UTF1: variants seen among roughly 807,000 people sequenced by gnomAD.
The protein encoded by UTF1 is undifferentiated embryonic cell transcription factor 1.
In UTF1, 8 loss-of-function variants were observed where a neutral mutation model predicts 11.8. The ratio of observed to expected loss-of-function variants is 0.68; its 90% confidence interval spans 0.40 to 1.23. The LOEUF (loss-of-function observed/expected upper bound fraction) is 1.23, where lower values mean the gene tolerates loss of function less well. Ranked by LOEUF, UTF1 falls within the 50% of genes most tolerant of loss-of-function variation. The pLI, the probability that UTF1 is intolerant of heterozygous loss-of-function variation, is 0.01. For missense variants in UTF1, 545 were observed against 542.1 expected, an observed-to-expected ratio of 1.01 and a Z score of -0.05; for synonymous variants, 344 against 271.7, an observed-to-expected ratio of 1.27 and a Z score of -2.62.
In UTF1 at chr10:133,231,212, G is replaced by A. The variant is rs745764921; in HGVS notation, c.796G>A (p.Ala266Thr). 1.6e-5 allele frequency: 25 copies of A among 1,516,992 alleles called. No homozygotes were observed. Among genetic ancestry groups the A allele is most frequent in the Non-Finnish European group, 1.8e-6 (2 of 1,139,140 alleles). The allele number at this position is 1,516,992 out of a possible 1,614,324, so 94.0% of individuals were successfully genotyped here. Residue 266 changes from alanine to threonine, a missense_variant, in exon 2 of 2, where the codon GCG becomes ACG. Physicochemically the swap from Ala to Thr is moderately conservative, Grantham distance 58 (BLOSUM62 0). Coordinates refer to ENST00000304477, the MANE Select transcript of UTF1 (RefSeq NM_003577.3). ...DSPPGRPEDC[A>T]PPPAAPPSLN... ...GCCGCCCGGCCGCCCCGAGGACTGC[G>A]CGCCCCCTCCGGCCGCGCCCCCGTC...
At position 133,230,310 on chromosome 10, in the gene UTF1, C is replaced by A; in HGVS notation, c.22C>A (p.Pro8Thr). 9.2e-7 allele frequency: 1 copy of A among 1,081,162 alleles called. No homozygotes were observed. Among genetic ancestry groups the A allele is most frequent in the Non-Finnish European group, 1.1e-6 (1 of 894,096 alleles). The allele number at this position is 1,081,162 out of a possible 1,614,324, so 67.0% of individuals were successfully genotyped here. The change falls in exon 1 of 2, where the codon CCG becomes ACG. Residue 8 changes from proline (P) to threonine (T), a missense_variant. Around this residue, in one of 3 missense-constraint regions of UTF1, gnomAD observed 129 missense variants for 148.5 expected, o/e 0.87. Transcript: ENST00000304477. ...CGGGATGCTGCTCCGGCCCCGCAGG[C>A]CGCCCCCGCTCGCGCCCCCCGCGCC... MLLRPRR[P>T]PPLAPPAPPS...
At position 133,230,693 on chromosome 10, in the gene UTF1, C is replaced by A; in HGVS notation, c.405C>A (p.Pro135=). 6.7e-7 allele frequency: 1 copy of A among 1,485,426 alleles called. No homozygotes were observed. Among genetic ancestry groups the A allele is most frequent in the African/African-American group, 1.4e-5 (1 of 69,356 alleles). 92.0% of individuals were successfully genotyped at this position (1,485,426 alleles called of 1,614,324 possible). ...AGGCGCACGGCCAGCCGCCCGGGCC[C>A]TTCGACGAGCAGATCCGGAAGCTCA... is the stretch of plus-strand genomic sequence containing the variant. ...FREAHGQPPG[P]FDEQIRKLMG... Residue 135 remains proline, a synonymous_variant, in exon 1 of 2, where the codon CCC becomes CCA. Transcript: ENST00000304477.
Position 133,231,247 on chromosome 10 carries a change from C to T in UTF1, c.831C>T (p.Thr277=). 5 of 1,562,642 alleles carry T rather than the reference C, an allele frequency of 3.2e-6. No homozygotes were observed. In the South Asian group the frequency reaches 3.5e-5, roughly 11 times the overall value. The change falls in exon 2 of 2, where the codon ACC becomes ACT. Residue 277 remains threonine (T), a synonymous_variant. Transcript: ENST00000304477. ...CGGCCGCGCCCCCGTCGCTGAACACCGCCCTGCTGCAGACCCTGGGGCACC... is the reference window on the plus strand; with the variant it reads ...CGGCCGCGCCCCCGTCGCTGAACACTGCCCTGCTGCAGACCCTGGGGCACC... ...PPPAAPPSLN[T]ALLQTLGHLG...
rs1406329970 is a variant in UTF1 at position 133,230,631 on chromosome 10, C to T, written c.343C>T (p.Arg115Cys). ...GGTGCGCCGCACCCCCGCGCAGTGC[C>T]GCCGCCGCTACAAGTTCCTTAAAGA... is the stretch of plus-strand genomic sequence containing the variant. ...QQVRRTPAQC[R>C]RRYKFLKDKF... Residue 115 changes from arginine to cysteine, a missense_variant, in exon 1 of 2, where the codon CGC becomes TGC. Arg to Cys is a radical substitution (Grantham distance 180). Around this residue, in one of 3 missense-constraint regions of UTF1, gnomAD observed 22 missense variants for 52.1 expected, o/e 0.42. Transcript: ENST00000304477. 1 of 1,460,230 alleles carries T rather than the reference C, an allele frequency of 6.8e-7. No individual in the cohort carries two copies. Among genetic ancestry groups the T allele is most frequent in the South Asian group, 1.3e-5 (1 of 75,890 alleles). 90.5% of individuals were successfully genotyped at this position (1,460,230 alleles called of 1,614,324 possible).
chr10:133,230,575 G>T lies in UTF1; in HGVS notation c.287G>T (p.Arg96Leu). Residue 96 changes from arginine to leucine, a missense_variant, in exon 1 of 2, where the codon CGC becomes CTC. Physicochemically the swap from Arg to Leu is moderately radical, Grantham distance 102. Coordinates refer to ENST00000304477, the MANE Select transcript of UTF1 (RefSeq NM_003577.3). Reference sequence around the variant, plus strand: ...CGCCGCCAGGCCCTGCCCACCTACCGCCGCGTGTCGGCCGCGCTGGCCCAG... The same window carrying T: ...CGCCGCCAGGCCCTGCCCACCTACCTCCGCGTGTCGGCCGCGCTGGCCCAG... ...LDRRQALPTY[R>L]RVSAALAQQQ... 1 of 1,407,046 alleles carries T rather than the reference G, an allele frequency of 7.1e-7. No individual in the cohort carries two copies. Among genetic ancestry groups the T allele is most frequent in the Non-Finnish European group, 9.2e-7 (1 of 1,085,492 alleles). 87.2% of individuals were successfully genotyped at this position (1,407,046 alleles called of 1,614,324 possible).
chr10:133,231,161 C>A lies in UTF1; in HGVS notation c.745C>A (p.Pro249Thr), dbSNP rs1382626427. 2.8e-5 allele frequency: 36 copies of A among 1,283,060 alleles called. No homozygotes were observed. Among genetic ancestry groups the A allele is most frequent in the Admixed American group, 4.2e-5 (1 of 24,086 alleles). The allele number at this position is 1,283,060 out of a possible 1,614,324, so 79.5% of individuals were successfully genotyped here. The change falls in exon 2 of 2, where the codon CCC becomes ACC. Residue 249 changes from proline to threonine, a missense_variant. By Grantham distance (38) the Pro-to-Thr change is conservative. This residue lies in a region of UTF1 where 394 missense variants were observed against 341.5 expected (regional missense o/e 1.15). Coordinates refer to ENST00000304477, the MANE Select transcript of UTF1 (RefSeq NM_003577.3). ...CCGCGGCCCCGGGTCCCCGCCGCCACCCCCGGCCCGCGAAGACCCCGACTC... is the reference window on the plus strand; with the variant it reads ...CCGCGGCCCCGGGTCCCCGCCGCCAACCCCGGCCCGCGAAGACCCCGACTC... ...PVRGPGSPPP[P>T]PAREDPDSPP...
chr10:133,231,499 TC>T lies in UTF1; in HGVS notation c.*59del. 2 of 1,283,690 alleles carry T rather than the reference TC, an allele frequency of 1.6e-6. No individual in the cohort carries two copies. The highest frequency in any genetic ancestry group is 5.8e-5 in the East Asian group (2 of 34,258). 79.5% of individuals were successfully genotyped at this position (1,283,690 alleles called of 1,614,324 possible). A position where few individuals can be genotyped will look rare whatever the true frequency, so the allele number is the denominator to read the frequency against. On this transcript the variant is annotated 3_prime_UTR_variant, in exon 2 of 2. Coordinates refer to ENST00000304477, the MANE Select transcript of UTF1 (RefSeq NM_003577.3). ...GCCGAGGCCCCTCCGCCCTGACCCCTCCTGCTGCCTTCCCACCCCCGTTCTT... is the reference window on the plus strand; with the variant it reads ...GCCGAGGCCCCTCCGCCCTGACCCCTCTGCTGCCTTCCCACCCCCGTTCTT...
At position 133,231,242 on chromosome 10, in the gene UTF1, A is replaced by C. The variant is rs1845795879; in HGVS notation, c.826A>C (p.Asn276His). 4 of 1,554,344 alleles carry C rather than the reference A, an allele frequency of 2.6e-6. No individual in the cohort carries two copies. ...CCCTCCGGCCGCGCCCCCGTCGCTG[A>C]ACACCGCCCTGCTGCAGACCCTGGG... is the stretch of plus-strand genomic sequence containing the variant. ...APPPAAPPSLNTALLQTLGHL... is the reference protein window; with the variant it reads ...APPPAAPPSLHTALLQTLGHL... Residue 276 changes from asparagine to histidine, a missense_variant, in exon 2 of 2, where the codon AAC becomes CAC. Transcript: ENST00000304477.
rs1300843148 is a variant in UTF1, at chr10:133,230,252, C to T, written c.-37C>T. The stretch of plus-strand genomic sequence containing the variant: ...TGGGCGGCCCGGGCGGCGTCTGGCC[C>T]TCTCCCCATCCTCGCGCGCCGCGCC... On this transcript the variant is annotated 5_prime_UTR_variant, in exon 1 of 2. Transcript: ENST00000304477. 1.9e-6 allele frequency: 2 copies of T among 1,039,706 alleles called. No homozygotes were observed. The highest frequency in any genetic ancestry group is 2.3e-6 in the Non-Finnish European group (2 of 867,276). 64.4% of individuals were successfully genotyped at this position (1,039,706 alleles called of 1,614,324 possible).
rs1280696936 is a variant in UTF1, at chr10:133,230,771, G to T, written c.483G>T (p.Gly161=). The change falls in exon 1 of 2, where the codon GGG becomes GGT. Residue 161 remains glycine (G), a synonymous_variant. Coordinates refer to ENST00000304477, the MANE Select transcript of UTF1 (RefSeq NM_003577.3). The stretch of plus-strand genomic sequence containing the variant: ...AACGGCCTCGCCGCCGCTCCCCGGG[G>T]TCCGGGCGCCCCCAGCGCGCCCGCC... The part of the protein sequence containing the change: ...GRKRPRRRSP[G]SGRPQRARRP... 2.2e-6 allele frequency: 3 copies of T among 1,363,772 alleles called. No individual in the cohort carries two copies. The African/African-American group carries it at 4.6e-5, about 21-fold the overall frequency. 84.5% of individuals were successfully genotyped at this position (1,363,772 alleles called of 1,614,324 possible). A position where few individuals can be genotyped will look rare whatever the true frequency, so the allele number is the denominator to read the frequency against.
Position 133,230,411 on chromosome 10 carries a change from CT to C in UTF1, c.124del (p.Ser42ArgfsTer234). ...CGGGGACCCCGCCCCGGAGGCCCGC[CT>C]CGCCCAGCGCGCTGGGGGAACTCGG... ...APGTPPRRPASPSALGELGLP... is the reference protein window; with the variant it reads ...APGTPPRRPAXPSALGELGLP... On this transcript the variant is annotated frameshift_variant, in exon 1 of 2. Transcript: ENST00000304477. LOFTEE classifies it high-confidence loss of function. The C allele has an allele frequency of 7.4e-7, 1 of 1,342,368 alleles. No homozygotes were observed. Among genetic ancestry groups the C allele is most frequent in the Non-Finnish European group, 9.6e-7 (1 of 1,042,780 alleles). 83.2% of individuals were successfully genotyped at this position (1,342,368 alleles called of 1,614,324 possible).
At position 133,230,791 on chromosome 10, in the gene UTF1, C is replaced by G. The variant is rs1845788326; in HGVS notation, c.503C>G (p.Ala168Gly). 7.5e-7 allele frequency: 1 copy of G among 1,331,870 alleles called. No homozygotes were observed. The highest frequency in any genetic ancestry group is 3.2e-5 in the East Asian group (1 of 31,454). The allele number at this position is 1,331,870 out of a possible 1,614,324, so 82.5% of individuals were successfully genotyped here. Residue 168 changes from alanine (A) to glycine (G), a missense_variant, in exon 1 of 2, where the codon GCC (alanine) becomes GGC (glycine). By Grantham distance (60) the Ala-to-Gly change is moderately conservative (BLOSUM62 0). Coordinates refer to ENST00000304477, the MANE Select transcript of UTF1 (RefSeq NM_003577.3). ...CCGGGGTCCGGGCGCCCCCAGCGCGCCCGCCGCCCGGTCCCCAACGCGCAC... is the reference window on the plus strand; with the variant it reads ...CCGGGGTCCGGGCGCCCCCAGCGCGGCCGCCGCCCGGTCCCCAACGCGCAC... ...RSPGSGRPQR[A>G]RRPVPNAHAP...
chr10:133,231,435 G>A lies in UTF1; in HGVS notation c.1019G>A (p.Cys340Tyr). Residue 340 changes from cysteine (C) to tyrosine (Y), a missense_variant, in exon 2 of 2, where the codon TGC becomes TAC. Physicochemically the swap from Cys to Tyr is radical, Grantham distance 194. Transcript: ENST00000304477. Reference sequence around the variant, plus strand: ...GAGCGAGGGGTCCTCAGGGACCCGTGCCAGTGAGTCCCGGCTGCGGCCAGT... The same window carrying A: ...GAGCGAGGGGTCCTCAGGGACCCGTACCAGTGAGTCCCGGCTGCGGCCAGT... ...AAERGVLRDPCQ is the reference protein window; with the variant it reads ...AAERGVLRDPYQ 4 of 1,493,182 alleles carry A rather than the reference G, an allele frequency of 2.7e-6. No homozygotes were observed. The highest frequency in any genetic ancestry group is 3.6e-6 in the Non-Finnish European group (4 of 1,124,742). 92.5% of individuals were successfully genotyped at this position (1,493,182 alleles called of 1,614,324 possible).
In UTF1 at chr10:133,230,734, A is replaced by C. The variant is rs765939815; in HGVS notation, c.446A>C (p.Asp149Ala). The change falls in exon 1 of 2, where the codon GAC becomes GCC. Residue 149 changes from aspartate to alanine, a missense_variant. By Grantham distance (126) the Asp-to-Ala change is moderately radical. Around this residue, in one of 3 missense-constraint regions of UTF1, gnomAD observed 394 missense variants for 341.5 expected, o/e 1.15. Transcript: ENST00000304477. ...CGGAAGCTCATGGGGCTGCTGGGCGACAACGGGCGCAAACGGCCTCGCCGC... is the reference window on the plus strand; with the variant it reads ...CGGAAGCTCATGGGGCTGCTGGGCGCCAACGGGCGCAAACGGCCTCGCCGC... ...QIRKLMGLLG[D>A]NGRKRPRRRS... 7.0e-7 allele frequency: 1 copy of C among 1,433,688 alleles called. No individual in the cohort carries two copies. The highest frequency in any genetic ancestry group is 9.1e-7 in the Non-Finnish European group (1 of 1,095,776). The allele number at this position is 1,433,688 out of a possible 1,614,324, so 88.8% of individuals were successfully genotyped here. A position where few individuals can be genotyped will look rare whatever the true frequency, so the allele number is the denominator to read the frequency against.
chr10:133,230,723 G>T lies in UTF1; in HGVS notation c.435G>T (p.Gly145=). The T allele has an allele frequency of 6.9e-7, 1 of 1,446,788 alleles. No individual in the cohort carries two copies. The highest frequency in any genetic ancestry group is 9.1e-7 in the Non-Finnish European group (1 of 1,102,824). The allele number at this position is 1,446,788 out of a possible 1,614,324, so 89.6% of individuals were successfully genotyped here. Residue 145 remains glycine (G), a synonymous_variant, in exon 1 of 2, where the codon GGG becomes GGT. Transcript: ENST00000304477. ...ACGAGCAGATCCGGAAGCTCATGGG[G>T]CTGCTGGGCGACAACGGGCGCAAAC... ...PFDEQIRKLM[G]LLGDNGRKRP...
chr10:133,230,402 G>T lies in UTF1; in HGVS notation c.114G>T (p.Arg38=). The change falls in exon 1 of 2, where the codon CGG becomes CGT. Residue 38 remains arginine, a synonymous_variant. Transcript: ENST00000304477. ...GAGACGCCCCGGGGACCCCGCCCCG[G>T]AGGCCCGCCTCGCCCAGCGCGCTGG... ...TPGDAPGTPP[R]RPASPSALGE... 7.6e-7 allele frequency: 1 copy of T among 1,316,138 alleles called. No individual in the cohort carries two copies. Among genetic ancestry groups the T allele is most frequent in the African/African-American group, 1.6e-5 (1 of 64,268 alleles). The allele number at this position is 1,316,138 out of a possible 1,614,324, so 81.5% of individuals were successfully genotyped here. A position where few individuals can be genotyped will look rare whatever the true frequency, so the allele number is the denominator to read the frequency against.
In UTF1 at chr10:133,231,154, G is replaced by A. The variant is rs542344724; in HGVS notation, c.738G>A (p.Pro246=). The part of the protein sequence containing the change: ...DRAPVRGPGS[P]PPPPAREDPD... ...CGCCCGTCCGCGGCCCCGGGTCCCC[G>A]CCGCCACCCCCGGCCCGCGAAGACC... The change falls in exon 2 of 2, where the codon CCG becomes CCA. Residue 246 remains proline (P), a synonymous_variant. Transcript: ENST00000304477. 6 of 1,194,378 alleles carry A rather than the reference G, an allele frequency of 5.0e-6. No individual in the cohort carries two copies. The African/African-American group carries it at 6.9e-5, about 14-fold the overall frequency. The allele number at this position is 1,194,378 out of a possible 1,614,324, so 74.0% of individuals were successfully genotyped here.
Position 133,230,468 on chromosome 10 carries a change from C to A in UTF1, c.180C>A (p.Arg60=), listed in dbSNP as rs1204758441. The change falls in exon 1 of 2, where the codon CGC becomes CGA. Residue 60 remains arginine, a synonymous_variant. Coordinates refer to ENST00000304477, the MANE Select transcript of UTF1 (RefSeq NM_003577.3). The part of the protein sequence containing the change: ...GLPVSPGSAQ[R]TPWSARETEL... ...CGGTGTCCCCGGGCTCGGCGCAGCG[C>A]ACGCCCTGGAGCGCCCGGGAGACGG... is the stretch of plus-strand genomic sequence containing the variant. The A allele has an allele frequency of 1.4e-6, 2 of 1,428,968 alleles. No individual in the cohort carries two copies. Among genetic ancestry groups the A allele is most frequent in the East Asian group, 3.2e-5 (1 of 31,440 alleles). The allele number at this position is 1,428,968 out of a possible 1,614,324, so 88.5% of individuals were successfully genotyped here.
rs1180403530 is a variant in UTF1 at position 133,231,043 on chromosome 10, G to A, written c.627G>A (p.Pro209=). 3 of 1,308,640 alleles carry A rather than the reference G, an allele frequency of 2.3e-6. No homozygotes were observed. The highest frequency in any genetic ancestry group is 2.9e-6 in the Non-Finnish European group (3 of 1,034,012). The allele number at this position is 1,308,640 out of a possible 1,614,324, so 81.1% of individuals were successfully genotyped here. A position where few individuals can be genotyped will look rare whatever the true frequency, so the allele number is the denominator to read the frequency against. The change falls in exon 2 of 2, where the codon CCG becomes CCA. Residue 209 remains proline, a synonymous_variant. Transcript: ENST00000304477. Reference sequence around the variant, plus strand: ...CGCTCCGCTTCAGCCCGTCCCCACCGAAGTCTGCGGACGCCTCCCCCGCCC... The same window carrying A: ...CGCTCCGCTTCAGCCCGTCCCCACCAAAGTCTGCGGACGCCTCCCCCGCCC... The part of the protein sequence containing the change: ...TWTLRFSPSP[P]KSADASPAPG...
Sources: allele counts gnomAD v4.1 joint callset, GRCh38; gene constraint gnomAD v4.1.1; regional missense constraint gnomAD v4.1.1; transcripts MANE v1.5; gene names NCBI Gene and HGNC (gene_info 2026-07-23, HGNC 2026-07-21).